Variants in CHLSN observed in about 807,000 individuals in gnomAD.
CHLSN encodes the protein cholesin.
chr7:1,107,131 A>C, the CHLSN span, among the ~76,000 whole-genome samples: 1 of 152,152 alleles, frequency 6.6e-6, no homozygotes, highest in African/African-American at 2.4e-5. Flanking sequence ...AGAAGCGGGG[A>C]AGGGAAAGAG....
the CHLSN span, chr7:988,779 T>C: frequency 2.5e-6 from 4 of 1,596,958 alleles, no homozygotes; most frequent in East Asian, 4.5e-5. Flanking sequence ...GCTTTTACCA[T>C]GAGGCCGAGG....
the CHLSN span, among the ~76,000 whole-genome samples, chr7:1,099,515 G>A: frequency 1.3e-5 from 2 of 152,368 alleles, no homozygotes; most frequent in Non-Finnish European, 2.9e-5. Context: ...CTCGCTCACC[G>A]CCTGGTAAGT....
the CHLSN span, among the ~76,000 whole-genome samples, chr7:1,116,043 C>T: frequency 1.7e-4 from 18 of 105,022 alleles, 1 homozygote; most frequent in East Asian, 1.8e-3. Flanking sequence ...TACAGCTCTA[C>T]GGACCCGCTT....
At chr7:1,082,408 A>ACT in the CHLSN span, 1 of 152,074 alleles carries the variant, frequency 6.6e-6, no homozygotes. Context: ...CGTGCACAGG[A>ACT]CTCTACAGCA....
chr7:1,083,544 T>A, the CHLSN span, among the ~76,000 whole-genome samples: 2 of 150,340 alleles, frequency 1.3e-5, no homozygotes, highest in Admixed American at 6.6e-5. Flanking sequence ...AGGAGAACGG[T>A]GTGAACCCGG....
At chr7:1,058,714 T>G in the CHLSN span, 26 of 598,660 alleles carry the variant, frequency 4.3e-5, no homozygotes, top group Non-Finnish European at 7.0e-5. Flanking sequence ...GCATCTGGCT[T>G]GAGTCTCCCC....
the CHLSN span, among the ~76,000 whole-genome samples, chr7:1,016,536 A>T: frequency 1.9e-5 from 1 of 53,352 alleles, no homozygotes; most frequent in Non-Finnish European, 3.8e-5. Flanking sequence ...CACCAGCACA[A>T]AGCAGCGCAC....
At chr7:1,035,523 A>C in the CHLSN span, among the ~76,000 whole-genome samples, 1 of 152,260 alleles carries the variant, frequency 6.6e-6, no homozygotes, top group Admixed American at 6.5e-5. Flanking sequence ...TACAGATGGC[A>C]AATAAGCATG....
At chr7:1,003,416 G>A in the CHLSN span, among the ~76,000 whole-genome samples, 1 of 64,552 alleles carries the variant, frequency 1.5e-5, no homozygotes, top group African/African-American at 6.6e-5. Context: ...TGTGGGTGGG[G>A]AGTCCTGTGG....
chr7:1,088,272 T>G, the CHLSN span: 2 of 152,492 alleles, frequency 1.3e-5, no homozygotes, highest in South Asian at 4.1e-4. The surrounding 1 kb of genome is among the most constrained non-coding windows in gnomAD (Gnocchi z 4.5). Flanking sequence ...TCCAGCCTGA[T>G]GGGCCTGACC....
chr7:1,043,046 G>A, the CHLSN span, among the ~76,000 whole-genome samples: 3 of 150,488 alleles, frequency 2.0e-5, no homozygotes, highest in Non-Finnish European at 4.4e-5. Flanking sequence ...GAGGTCAGGA[G>A]TTCGAGACCA....
chr7:1,070,986 GCACA>G, the CHLSN span, among the ~76,000 whole-genome samples: 4 of 148,450 alleles, frequency 2.7e-5, no homozygotes, highest in Admixed American at 2.7e-4. Flanking sequence ...ATGCACACGG[GCACA>G]CACACACGTG....
the CHLSN span, among the ~76,000 whole-genome samples, chr7:1,098,291 C>A: frequency 6.6e-6 from 1 of 152,190 alleles, no homozygotes; most frequent in Non-Finnish European, 1.5e-5. Context: ...CTCAAAGAAC[C>A]GGAAACATGC....
At chr7:1,057,985 T>C in the CHLSN span, 1 of 770,722 alleles carries the variant, frequency 1.3e-6, no homozygotes, top group Non-Finnish European at 2.4e-6. Context: ...GGCGCGCTGC[T>C]GACCAGCTTC....
At chr7:1,066,114 G>T in the CHLSN span, among the ~76,000 whole-genome samples, 1 of 152,246 alleles carries the variant, frequency 6.6e-6, no homozygotes, top group South Asian at 2.1e-4. Flanking sequence ...TTCGCCGGCA[G>T]CCGGCGGCTG....
chr7:1,086,159 G>T, the CHLSN span, among the ~76,000 whole-genome samples: 1 of 152,248 alleles, frequency 6.6e-6, no homozygotes, highest in Non-Finnish European at 1.5e-5. Context: ...TGGAGAGCTT[G>T]GGAGCTGAGC....
chr7:1,028,817 G>GC, the CHLSN span: 1 of 747,700 alleles, frequency 1.3e-6, no homozygotes, highest in Non-Finnish European at 1.6e-6. Context: ...TGACTCCATG[G>GC]CCCCCATCTC....
the CHLSN span, chr7:1,024,920 G>A: frequency 6.6e-6 from 1 of 152,348 alleles, no homozygotes; most frequent in Non-Finnish European, 1.5e-5. Context: ...AGGACAGAAG[G>A]AGCAGGCAGA....
chr7:1,000,322 G>A, the CHLSN span: 14 of 599,432 alleles, frequency 2.3e-5, no homozygotes, highest in South Asian at 1.5e-4. Flanking sequence ...CCCGGGAGAC[G>A]TGCCTGCCCC....
Sources: gnomAD v4.1 joint callset for allele counts (sites outside exome capture counted in the v4.1 genomes callset) on GRCh38, gnomAD v4.1.1 for gene constraint, Gnocchi (gnomAD v3.1) non-coding constraint, MANE v1.5 for transcripts, NCBI Gene and HGNC (gene_info 2026-07-23, HGNC 2026-07-21) for gene names.